KCNH8: variants seen among roughly 807,000 people sequenced by gnomAD.
KCNH8 encodes potassium voltage-gated channel subfamily H member 8, also known as voltage-gated delayed rectifier potassium channel KCNH8.
A neutral mutation model predicts 103.6 loss-of-function variants in KCNH8; 70 were observed. The observed-to-expected ratio is 0.68, with a 90% CI of 0.56 to 0.82. The LOEUF is 0.82. KCNH8 is among the 40% of genes least tolerant of loss of function. KCNH8 has a pLI of 0.00. For synonymous variants in KCNH8, 498 were observed against 489.4 expected (o/e 1.02, Z -0.23); for missense variants, 1,217 against 1,329.9 (o/e 0.92, Z 1.32).
intron 2 of KCNH8, among the ~76,000 whole-genome samples, chr3:19,259,738 CACATATATATGT>C (rs2064403149): frequency 6.6e-6 from 1 of 150,422 alleles, no homozygotes; most frequent in Admixed American, 6.7e-5. Context: ...GATACATACA[CACATATATATGT>C]ACATATATAT....
intron 1 of KCNH8, among the ~76,000 whole-genome samples, chr3:19,201,373 T>A (rs2063661273): frequency 6.6e-6 from 1 of 151,952 alleles, no homozygotes; most frequent in South Asian, 2.1e-4. Flanking sequence ...AGATGTTTTC[T>A]AACATTCAAA....
At chr3:19,240,379 G>T (rs373410407) in intron 1 of KCNH8, among the ~76,000 whole-genome samples, 3 of 152,088 alleles carry the variant, frequency 2.0e-5, no homozygotes, top group African/African-American at 7.2e-5. Context: ...TTGGGAGGCC[G>T]AGGTGAGCGG....
At chr3:19,306,633 T>C (rs769309540) in intron 3 of KCNH8, among the ~76,000 whole-genome samples, 2 of 152,078 alleles carry the variant, frequency 1.3e-5, no homozygotes, top group Non-Finnish European at 2.9e-5. Flanking sequence ...TTCTAAAGAA[T>C]GATTAAAATC....
chr3:19,518,155 A>G (rs1465470405), intron 15 of KCNH8, 81 bp downstream of exon 15: 8 of 1,061,082 alleles, frequency 7.5e-6, no homozygotes, highest in Non-Finnish European at 7.1e-6. Flanking sequence ...AGTGTAATAT[A>G]GTAGTTACAA....
At chr3:19,365,242 A>G (rs1031290494) in intron 5 of KCNH8, among the ~76,000 whole-genome samples, 2 of 152,160 alleles carry the variant, frequency 1.3e-5, no homozygotes, top group African/African-American at 4.8e-5. Flanking sequence ...ACTTTAAAAT[A>G]GAAGCAGTGG....
chr3:19,168,229 T>C (rs2063305193), intron 1 of KCNH8, among the ~76,000 whole-genome samples: 1 of 152,044 alleles, frequency 6.6e-6, no homozygotes, highest in South Asian at 2.1e-4. Context: ...GGTTTCGCCA[T>C]GTTGAGTAGG....
chr3:19,353,001 GAAGAA>G (rs1373500502), intron 5 of KCNH8, among the ~76,000 whole-genome samples: 4 of 151,594 alleles, frequency 2.6e-5, no homozygotes, highest in Non-Finnish European at 4.4e-5. Context: ...GACTAATAAA[GAAGAA>G]AAGAGAGAAG....
intron 5 of KCNH8, among the ~76,000 whole-genome samples, chr3:19,389,906 A>G (rs1021363327): frequency 1.3e-5 from 2 of 152,222 alleles, no homozygotes; most frequent in Admixed American, 1.3e-4. Context: ...CTGGGATTAC[A>G]GGCATGAGCC....
At chr3:19,369,547 T>C (rs957549956) in intron 5 of KCNH8, among the ~76,000 whole-genome samples, 2 of 152,038 alleles carry the variant, frequency 1.3e-5, no homozygotes, top group Non-Finnish European at 2.9e-5. Context: ...CAAAACAGTA[T>C]CTTGAGCCTG....
intron 1 of KCNH8, among the ~76,000 whole-genome samples, chr3:19,187,542 G>A (rs2063514741): frequency 6.6e-6 from 1 of 151,990 alleles, no homozygotes; most frequent in Non-Finnish European, 1.5e-5. Context: ...ACCTGATGGA[G>A]TAAAAAATAC....
intron 6 of KCNH8, among the ~76,000 whole-genome samples, chr3:19,391,482 T>A (rs191301815): frequency 8.5e-5 from 13 of 152,178 alleles, no homozygotes; most frequent in African/African-American, 2.9e-4. Flanking sequence ...GATATTCTAG[T>A]CAATTGACAG....
At chr3:19,246,518 G>A (rs947306543) in intron 1 of KCNH8, among the ~76,000 whole-genome samples, 3 of 151,780 alleles carry the variant, frequency 2.0e-5, no homozygotes, top group African/African-American at 2.4e-5. Context: ...CTCATGATCC[G>A]CCTGACTCGG....
At chr3:19,457,589 C>A (rs953173946) in intron 11 of KCNH8, among the ~76,000 whole-genome samples, 1 of 151,960 alleles carries the variant, frequency 6.6e-6, no homozygotes, top group African/African-American at 2.4e-5. Context: ...TTAAGCTGAT[C>A]GTGAACATGA....
intron 8 of KCNH8, 66 bp downstream of exon 8, chr3:19,438,427 T>C (rs2067232682): frequency 2.3e-6 from 3 of 1,302,476 alleles, no homozygotes; most frequent in Non-Finnish European, 2.2e-6. Flanking sequence ...ACTGCCTGTT[T>C]GTTCTGTCCT....
chr3:19,345,489 G>A (rs975553345), intron 4 of KCNH8, among the ~76,000 whole-genome samples: 7 of 151,980 alleles, frequency 4.6e-5, no homozygotes, highest in African/African-American at 1.7e-4. Flanking sequence ...AACACCATTG[G>A]TACTAAAGAA....
At chr3:19,336,856 A>T (rs192201324) in intron 3 of KCNH8, among the ~76,000 whole-genome samples, 2 of 152,042 alleles carry the variant, frequency 1.3e-5, no homozygotes, top group African/African-American at 4.8e-5. Flanking sequence ...GTAGTTTACA[A>T]TGTAAAAGTA....
chr3:19,218,559 C>G (rs1033789252), intron 1 of KCNH8, among the ~76,000 whole-genome samples: 1 of 152,164 alleles, frequency 6.6e-6, no homozygotes, highest in Non-Finnish European at 1.5e-5. Flanking sequence ...GTTTAAAGTC[C>G]CTGCGGTAAG....
chr3:19,404,811 A>T (rs539293295), intron 7 of KCNH8, among the ~76,000 whole-genome samples: 5 of 152,094 alleles, frequency 3.3e-5, no homozygotes, highest in African/African-American at 1.2e-4. Flanking sequence ...AGTATCATTT[A>T]TCAAATAATC....
intron 11 of KCNH8, among the ~76,000 whole-genome samples, chr3:19,500,111 A>T (rs184501784): frequency 6.6e-6 from 1 of 152,328 alleles, no homozygotes; most frequent in Admixed American, 6.5e-5. Context: ...AAGCAAATGG[A>T]AAACAAAAAA....
Sources: gnomAD v4.1 joint callset for allele counts (sites outside exome capture counted in the v4.1 genomes callset) on GRCh38, gnomAD v4.1.1 for gene constraint, MANE v1.5 for transcripts, NCBI Gene and HGNC (gene_info 2026-07-23, HGNC 2026-07-21) for gene names.